The following MYO9A variants were observed in gnomAD, a reference collection of about 807,000 sequenced individuals.
MYO9A encodes unconventional myosin-IXa.
A neutral mutation model predicts 293.3 loss-of-function variants in MYO9A; 103 were observed. That is an observed-to-expected ratio of 0.35 (90% confidence interval 0.30 to 0.41). The LOEUF (loss-of-function observed/expected upper bound fraction) is 0.41, where lower values mean the gene tolerates loss of function less well. MYO9A is among the 10% of genes least tolerant of loss of function. The pLI, the probability that MYO9A is intolerant of heterozygous loss-of-function variation, is 1.00. For missense variants in MYO9A, 2,685 were observed against 3,033.0 expected (o/e 0.89, Z 2.69); for synonymous variants, 1,001 against 1,035.7 (o/e 0.97, Z 0.64).
chr15:71,981,641 GTCTCTC>G (rs142432028), intron 11 of MYO9A, among the ~76,000 whole-genome samples: 29,193 of 144,380 alleles, frequency 0.2, 3,064 homozygotes, highest in East Asian at 0.42. Context: ...TCTCTGTCTT[GTCTCTC>G]TCTCTCTCTC....
chr15:71,851,385 G>C, intron 36 of MYO9A, 27 bp from the exon 37 acceptor site: 1 of 1,547,694 alleles, frequency 6.5e-7, no homozygotes, highest in Non-Finnish European at 8.9e-7. Flanking sequence ...CAGAAACTAA[G>C]ACTAAATATC....
chr15:72,076,505 A>G (rs534465208), intron 1 of MYO9A, among the ~76,000 whole-genome samples: 1 of 152,308 alleles, frequency 6.6e-6, no homozygotes, highest in Non-Finnish European at 1.5e-5. Context: ...CATTTATAAT[A>G]TACTCAAAAA....
intron 1 of MYO9A, among the ~76,000 whole-genome samples, chr15:72,052,794 G>T (rs914259131): frequency 6.6e-6 from 1 of 152,190 alleles, no homozygotes; most frequent in Admixed American, 6.5e-5. Flanking sequence ...GCTCGGTTGT[G>T]TAGAGTGGCC....
intron 9 of MYO9A, among the ~76,000 whole-genome samples, chr15:71,997,792 ATGGCTAT>A (rs2076741605): frequency 6.6e-6 from 1 of 152,094 alleles, no homozygotes; most frequent in South Asian, 2.1e-4. Context: ...GTGAGTCACA[ATGGCTAT>A]TGTTAAAAAG....
chr15:71,962,901 T>C (rs1179217163), intron 13 of MYO9A, among the ~76,000 whole-genome samples: 1 of 152,206 alleles, frequency 6.6e-6, no homozygotes, highest in Non-Finnish European at 1.5e-5. Flanking sequence ...TTCATATTTC[T>C]AGATTTCTAA....
At chr15:71,976,062 G>A (rs555109830) in intron 12 of MYO9A, among the ~76,000 whole-genome samples, 1 of 152,190 alleles carries the variant, frequency 6.6e-6, no homozygotes, top group Non-Finnish European at 1.5e-5. Context: ...AGAAGTTCTG[G>A]AGGCATGGAT....
At chr15:71,990,700 T>G (rs2148375168) in intron 11 of MYO9A, among the ~76,000 whole-genome samples, 1 of 146,454 alleles carries the variant, frequency 6.8e-6, no homozygotes, top group East Asian at 2.0e-4. Context: ...GAGCTTGCAG[T>G]GAGCCGAGAT....
chr15:71,905,126 G>A lies in MYO9A; in HGVS notation c.2686-120C>T, dbSNP rs1596154520. 2.0e-5 allele frequency: 15 copies of A among 747,394 alleles called. No homozygotes were observed. In the East Asian group the frequency reaches 4.4e-4, roughly 22 times the overall value. 46.3% of individuals were successfully genotyped at this position (747,394 alleles called of 1,614,324 possible). On this transcript the variant is annotated intron_variant, in intron 19 of 41. Transcript: ENST00000356056. Reference sequence around the variant, plus strand: ...AAAAGTAGAGGTACACATAGAAAGAGGTTTTTGAAAAGCACATTGTGTATA... The same window carrying A: ...AAAAGTAGAGGTACACATAGAAAGAAGTTTTTGAAAAGCACATTGTGTATA...
chr15:72,047,342 CT>C (rs1358411281), intron 1 of MYO9A, among the ~76,000 whole-genome samples: 2 of 152,306 alleles, frequency 1.3e-5, no homozygotes, highest in Admixed American at 6.5e-5. Context: ...TTCAGCTTCC[CT>C]TTTTCCTTCA....
intron 1 of MYO9A, among the ~76,000 whole-genome samples, chr15:72,086,639 G>GT (rs1567025277): frequency 6.6e-6 from 1 of 150,590 alleles, no homozygotes; most frequent in Non-Finnish European, 1.5e-5. Flanking sequence ...AGTGATGTGT[G>GT]TTGGGGGGGC....
chr15:72,084,603 T>C (rs932380615), intron 1 of MYO9A, among the ~76,000 whole-genome samples: 1 of 152,216 alleles, frequency 6.6e-6, no homozygotes, highest in African/African-American at 2.4e-5. Context: ...TAGTGGCTGC[T>C]AACAGTCTTT....
Position 71,935,474 on chromosome 15 carries a change from C to A in MYO9A, c.2389G>T (p.Asp797Tyr), listed in dbSNP as rs2058615339. 3 of 1,613,068 alleles carry A rather than the reference C, an allele frequency of 1.9e-6. No homozygotes were observed. The highest frequency in any genetic ancestry group is 2.2e-5 in the East Asian group (1 of 44,840). Residue 797 changes from aspartate (D) to tyrosine (Y), a missense_variant, in exon 17 of 42, where the codon GAT becomes TAT. Asp to Tyr is a radical substitution (Grantham distance 160, BLOSUM62 -3). Coordinates refer to ENST00000356056, the MANE Select transcript of MYO9A (RefSeq NM_006901.4). ...CCAGTTCTGCCATTCCAGGCAATATCAAATGTATCACTGTAAAAAATATAA... is the reference window on the plus strand; with the variant it reads ...CCAGTTCTGCCATTCCAGGCAATATAAAATGTATCACTGTAAAAAATATAA... ...LNEKNQHDTFDIAWNGRTGIR... is the reference protein window; with the variant it reads ...LNEKNQHDTFYIAWNGRTGIR...
At chr15:72,008,268 G>A (rs894323795) in intron 7 of MYO9A, among the ~76,000 whole-genome samples, 3 of 152,082 alleles carry the variant, frequency 2.0e-5, no homozygotes, top group African/African-American at 7.2e-5. Flanking sequence ...TATTTATCCT[G>A]CCAGGAATGC....
chr15:72,036,585 C>CTGA (rs1008857426), intron 2 of MYO9A: 48 of 152,032 alleles, frequency 3.2e-4, no homozygotes, highest in African/African-American at 1.2e-3. Context: ...AAGAAGCCAC[C>CTGA]TGAAGAATCA....
At position 71,933,570 on chromosome 15, in the gene MYO9A, A is replaced by T; in HGVS notation, c.2562+100T>A. 3 of 1,099,276 alleles carry T rather than the reference A, an allele frequency of 2.7e-6. No individual in the cohort carries two copies. In the South Asian group the frequency reaches 4.0e-5, roughly 15 times the overall value. 68.1% of individuals were successfully genotyped at this position (1,099,276 alleles called of 1,614,324 possible). ...CACGATCACTATCTTGGATACAAATAAGGTTATTTCTTGTTTTTTGATGTA... is the reference window on the plus strand; with the variant it reads ...CACGATCACTATCTTGGATACAAATTAGGTTATTTCTTGTTTTTTGATGTA... On this transcript the variant is annotated intron_variant, in intron 18 of 41. Transcript: ENST00000356056.
intron 4 of MYO9A, among the ~76,000 whole-genome samples, chr15:72,026,275 G>GAAAAAAAA (rs35491673): frequency 1.9e-3 from 120 of 63,456 alleles, no homozygotes; most frequent in East Asian, 3.9e-3. Flanking sequence ...TCCGTCTCAA[G>GAAAAAAAA]AAAAAAAAAA....
At chr15:71,884,719 A>ATT (rs1354611740) in intron 27 of MYO9A, among the ~76,000 whole-genome samples, 5 of 152,118 alleles carry the variant, frequency 3.3e-5, no homozygotes, top group African/African-American at 1.2e-4. Flanking sequence ...TTGGAGGTTT[A>ATT]TTTGTAAATT....
intron 1 of MYO9A, among the ~76,000 whole-genome samples, chr15:72,070,974 T>A (rs1474809162): frequency 6.6e-6 from 1 of 152,040 alleles, no homozygotes; most frequent in Admixed American, 6.6e-5. Flanking sequence ...AGAAAAAAAA[T>A]TCATCTGAAC....
chr15:71,987,790 C>T (rs867373652), intron 11 of MYO9A, among the ~76,000 whole-genome samples: 2 of 152,036 alleles, frequency 1.3e-5, no homozygotes, highest in African/African-American at 2.4e-5. Context: ...TTATTTTATA[C>T]TCAACTGAAC....
Sources: gnomAD v4.1 joint callset for allele counts (sites outside exome capture counted in the v4.1 genomes callset) on GRCh38, gnomAD v4.1.1 for gene constraint, MANE v1.5 for transcripts, NCBI Gene and HGNC (gene_info 2026-07-23, HGNC 2026-07-21) for gene names.